CTNNBL1: variants seen among roughly 807,000 people sequenced by gnomAD.
The protein encoded by CTNNBL1 is beta-catenin-like protein 1.
A neutral mutation model predicts 72.7 loss-of-function variants in CTNNBL1; 31 were observed. The observed-to-expected ratio is 0.43, with a 90% confidence interval of 0.32 to 0.58. The LOEUF is 0.58. Ranked by LOEUF, CTNNBL1 falls within the 20% of genes least tolerant of loss-of-function variation. The pLI, the probability that CTNNBL1 is intolerant of heterozygous loss-of-function variation, is 0.08. For synonymous variants in CTNNBL1, 240 were observed against 267.3 expected, an observed-to-expected ratio of 0.90 and a Z score of 1.00; for missense variants, 534 against 725.1, an observed-to-expected ratio of 0.74 and a Z score of 3.03.
At chr20:37,755,232 G>A (rs1408999429) in intron 4 of CTNNBL1, among the ~76,000 whole-genome samples, 1 of 152,146 alleles carries the variant, frequency 6.6e-6, no homozygotes, top group Non-Finnish European at 1.5e-5. Flanking sequence ...TTTAAAAATG[G>A]CGGCTATTAT....
chr20:37,699,067 A>G (rs1237874052), intron 1 of CTNNBL1, among the ~76,000 whole-genome samples: 1 of 152,114 alleles, frequency 6.6e-6, no homozygotes, highest in Non-Finnish European at 1.5e-5. Flanking sequence ...ACAAACAAAC[A>G]AAAAAACTCC....
Position 37,766,899 on chromosome 20 carries a change from C to T in CTNNBL1, c.659-1054C>T, listed in dbSNP as rs552316259. 5.2e-4 allele frequency among the ~76,000 whole-genome samples: 79 copies of T among 152,286 alleles called. 2 individuals are homozygous for T. Among genetic ancestry groups the T allele is most frequent in the African/African-American group, 1.6e-3 (65 of 41,550 alleles). On this transcript the variant is annotated intron_variant, in intron 6 of 15. Coordinates refer to ENST00000361383, the MANE Select transcript of CTNNBL1 (RefSeq NM_030877.5). The stretch of plus-strand genomic sequence containing the variant: ...AGGATAAAGTCATGGAAGATTAAAA[C>T]GAATGAGTTGATTTTTGTAGGAAAT...
chr20:37,712,643 A>C (rs2072948658), intron 1 of CTNNBL1, among the ~76,000 whole-genome samples: 1 of 152,246 alleles, frequency 6.6e-6, no homozygotes, highest in South Asian at 2.1e-4. Flanking sequence ...AAAACACCCA[A>C]ACTTAAAAAG....
chr20:37,764,868 C>T lies in CTNNBL1; in HGVS notation c.565-329C>T, dbSNP rs182537170. Among the ~76,000 whole-genome samples, 22 of 152,224 alleles carry T rather than the reference C, an allele frequency of 1.4e-4. No homozygotes were observed. The East Asian group carries it at 2.7e-3, about 19-fold the overall frequency. On this transcript the variant is annotated intron_variant, in intron 5 of 15. Transcript: ENST00000361383. ...AAGGTAGTACCACAGAGAAGGAGAA[C>T]GAGCACAGGGCTTGGTTTCAGATGG...
intron 11 of CTNNBL1, among the ~76,000 whole-genome samples, chr20:37,805,029 T>TCCACTCCTG (rs961314089): frequency 2.0e-5 from 3 of 152,216 alleles, no homozygotes; most frequent in African/African-American, 7.2e-5. Flanking sequence ...AGCACAGCCC[T>TCCACTCCTG]CCACTCCTGC....
At chr20:37,798,905 T>C (rs2073800964) in intron 10 of CTNNBL1, among the ~76,000 whole-genome samples, 3 of 152,224 alleles carry the variant, frequency 2.0e-5, no homozygotes, top group Admixed American at 6.5e-5. Context: ...TAAATTTTGC[T>C]CACATGGTTA....
At chr20:37,707,523 T>G (rs1293918411) in intron 1 of CTNNBL1, among the ~76,000 whole-genome samples, 1 of 152,214 alleles carries the variant, frequency 6.6e-6, no homozygotes, top group East Asian at 1.9e-4. Flanking sequence ...TCTCTTAGCC[T>G]TCATAGAACT....
chr20:37,782,010 T>G (rs2073629550), intron 10 of CTNNBL1, among the ~76,000 whole-genome samples: 2 of 152,174 alleles, frequency 1.3e-5, no homozygotes, highest in Non-Finnish European at 2.9e-5. Flanking sequence ...CCTCAGTTTT[T>G]CATCTGAAAA....
At chr20:37,869,120 G>A (rs537483180) in intron 15 of CTNNBL1, among the ~76,000 whole-genome samples, 1 of 152,202 alleles carries the variant, frequency 6.6e-6, no homozygotes, top group East Asian at 1.9e-4. Flanking sequence ...TGGAGGTGAT[G>A]GATGGGCCTA....
chr20:37,853,566 TC>T (rs2072414565), intron 13 of CTNNBL1, among the ~76,000 whole-genome samples: 1 of 152,200 alleles, frequency 6.6e-6, no homozygotes, highest in Non-Finnish European at 1.5e-5. Context: ...CGAGTCCTTA[TC>T]TCAAGATCAC....
At chr20:37,737,240 C>CAAAAA in intron 2 of CTNNBL1, 138 bp from the exon 3 acceptor site, 2 of 638,252 alleles carry the variant, frequency 3.1e-6, no homozygotes, top group Non-Finnish European at 2.8e-6. Context: ...CAAAACAAAA[C>CAAAAA]AAAAAAAGTG....
At chr20:37,764,347 G>T (rs1372096557) in intron 5 of CTNNBL1, among the ~76,000 whole-genome samples, 1 of 152,140 alleles carries the variant, frequency 6.6e-6, no homozygotes, top group African/African-American at 2.4e-5. Context: ...CTTCCTTGGT[G>T]TGCCTCAGGG....
intron 4 of CTNNBL1, among the ~76,000 whole-genome samples, chr20:37,755,018 G>T (rs2073351716): frequency 6.6e-6 from 1 of 152,086 alleles, no homozygotes; most frequent in African/African-American, 2.4e-5. Flanking sequence ...TATTGGCCAG[G>T]CTGGTCTTGA....
At chr20:37,707,251 C>T (rs1042822313) in intron 1 of CTNNBL1, among the ~76,000 whole-genome samples, 1 of 152,206 alleles carries the variant, frequency 6.6e-6, no homozygotes, top group Non-Finnish European at 1.5e-5. Flanking sequence ...TGAGGCCAGG[C>T]ATTGACTTCT....
intron 1 of CTNNBL1, among the ~76,000 whole-genome samples, chr20:37,717,655 AG>A (rs2072998845): frequency 6.9e-6 from 1 of 145,648 alleles, no homozygotes; most frequent in South Asian, 2.2e-4. Flanking sequence ...TTTCTCGCAG[AG>A]GGGGATTTGG....
chr20:37,703,777 G>T (rs1053910658), intron 1 of CTNNBL1, among the ~76,000 whole-genome samples: 6 of 150,012 alleles, frequency 4.0e-5, no homozygotes, highest in South Asian at 4.2e-4. Flanking sequence ...GAAAGACAAG[G>T]TTCTTTACTT....
At chr20:37,868,520 A>G (rs147245688) in intron 15 of CTNNBL1, among the ~76,000 whole-genome samples, 6 of 152,314 alleles carry the variant, frequency 3.9e-5, no homozygotes, top group Middle Eastern at 3.4e-3. Context: ...TCCGCTCTGT[A>G]TGGGACAGGC....
intron 13 of CTNNBL1, among the ~76,000 whole-genome samples, chr20:37,859,375 A>G (rs2072470094): frequency 6.6e-6 from 1 of 151,910 alleles, no homozygotes; most frequent in Admixed American, 6.5e-5. Context: ...AAAAAAAAGA[A>G]AAGAAAATGC....
intron 13 of CTNNBL1, among the ~76,000 whole-genome samples, chr20:37,850,631 T>TC (rs1404112509): frequency 2.8e-5 from 2 of 70,996 alleles, no homozygotes; most frequent in African/African-American, 1.0e-4. Flanking sequence ...TCTCTAATAG[T>TC]CTGCCCTATT....
Sources: gnomAD v4.1 joint callset for allele counts (sites outside exome capture counted in the v4.1 genomes callset) on GRCh38, gnomAD v4.1.1 for gene constraint, MANE v1.5 for transcripts, NCBI Gene and HGNC (gene_info 2026-07-23, HGNC 2026-07-21) for gene names.